Variants in NME9 observed in about 807,000 individuals in gnomAD.
NME9 encodes thioredoxin domain-containing protein 6.
A neutral mutation model predicts 44.4 loss-of-function variants in NME9; 48 were observed. The ratio of observed to expected loss-of-function variants is 1.08; its 90% CI spans 0.86 to 1.37. The LOEUF (loss-of-function observed/expected upper bound fraction) is 1.37, where lower values mean the gene tolerates loss of function less well. Among genes scored for constraint, NME9 ranks in the 40% most tolerant of loss-of-function variants. The pLI, the probability that NME9 is intolerant of heterozygous loss-of-function variation, is 0.00. For synonymous variants in NME9, 139 were observed against 147.1 expected, an observed-to-expected ratio of 0.94 and a Z score of 0.40; for missense variants, 325 against 405.2, an observed-to-expected ratio of 0.80 and a Z score of 1.70.
intron 8 of NME9, among the ~76,000 whole-genome samples, chr3:138,269,614 T>C (rs1321374590): frequency 2.0e-5 from 3 of 152,162 alleles, no homozygotes; most frequent in Non-Finnish European, 4.4e-5. Context: ...ACCAACCATA[T>C]TACTTCATAG....
Position 138,306,474 on chromosome 3 carries a change from G to A in NME9, c.467C>T (p.Ser156Leu). 1.2e-6 allele frequency: 2 copies of A among 1,604,038 alleles called. No individual in the cohort carries two copies. The highest frequency in any genetic ancestry group is 1.7e-6 in the Non-Finnish European group (2 of 1,175,654). Residue 156 changes from serine (S) to leucine (L), a missense_variant, in exon 7 of 11, where the codon TCA becomes TTA. Ser to Leu is a moderately radical substitution (Grantham distance 145, BLOSUM62 -2). Coordinates refer to ENST00000333911, the MANE Select transcript of NME9 (RefSeq NM_001349018.2). ...NNGEDEDMVS[S>L]ERTCTLAIIK... ...GATGGCCAAGGTACAGGTCCTCTCT[G>A]ATGAAACTAAGCCAAAAAATGGTGC...
exon 9 of NME9, chr3:138,262,406 T>C: frequency 2.9e-6 from 3 of 1,040,406 alleles, no homozygotes; most frequent in Non-Finnish European, 2.8e-6. Flanking sequence ...TGTGGTTCCC[T>C]GTTCTTAATA....
downstream of NME9, among the ~76,000 whole-genome samples, chr3:138,299,617 T>C (rs986343134): frequency 1.3e-5 from 2 of 152,090 alleles, no homozygotes; most frequent in African/African-American, 2.4e-5. Flanking sequence ...TGCCCTGCAA[T>C]GCTGAACCCA....
chr3:138,261,772 T>C (rs1039257400), exon 9 of NME9: 1 of 152,194 alleles, frequency 6.6e-6, no homozygotes, highest in Admixed American at 6.5e-5. Context: ...TCAAGGTAGA[T>C]AGGCTTTGAG....
intron 8 of NME9, among the ~76,000 whole-genome samples, chr3:138,269,820 C>CTTT (rs77095833): frequency 3.3e-5 from 4 of 121,666 alleles, no homozygotes; most frequent in African/African-American, 1.2e-4. Context: ...TGTTTTCTTT[C>CTTT]TTTTTTTTTT....
intron 5 of NME9, 113 bp from the exon 6 acceptor site, chr3:138,314,520 A>C: frequency 1.5e-6 from 1 of 669,466 alleles, no homozygotes; most frequent in Admixed American, 3.1e-5. Context: ...CAGAGAAAAA[A>C]ATGTCAAAAT....
At chr3:138,294,205 A>G (rs1222221960) in intron 8 of NME9, among the ~76,000 whole-genome samples, 1 of 152,216 alleles carries the variant, frequency 6.6e-6, no homozygotes, top group South Asian at 2.1e-4. Context: ...TGAAGAATAT[A>G]TCTCTCAGGT....
intron 3 of NME9, among the ~76,000 whole-genome samples, chr3:138,318,992 G>A (rs1486817337): frequency 6.6e-6 from 1 of 152,118 alleles, no homozygotes; most frequent in Admixed American, 6.5e-5. Flanking sequence ...GAGCCTGGGA[G>A]TTCTAGACCA....
chr3:138,296,901 C>T (rs2051538167), downstream of NME9: 1 of 152,184 alleles, frequency 6.6e-6, no homozygotes. Flanking sequence ...GATTTAGAAC[C>T]AGTCATGGAA....
intron 8 of NME9, among the ~76,000 whole-genome samples, chr3:138,278,483 G>T (rs1336314956): frequency 6.6e-6 from 1 of 151,538 alleles, no homozygotes; most frequent in African/African-American, 2.4e-5. Context: ...CAGCCTGGGT[G>T]ACACAGCAAG....
chr3:138,277,120 C>A (rs1178037104), intron 8 of NME9, among the ~76,000 whole-genome samples: 1 of 152,092 alleles, frequency 6.6e-6, no homozygotes, highest in East Asian at 1.9e-4. Flanking sequence ...CAGAAATAGA[C>A]CCACACATAT....
chr3:138,314,543 A>AT, intron 5 of NME9, 136 bp from the exon 6 acceptor site: 2 of 591,022 alleles, frequency 3.4e-6, no homozygotes, highest in Non-Finnish European at 5.9e-6. Flanking sequence ...TCAGTCTTGG[A>AT]AACTTTACAG....
At position 138,279,083 on chromosome 3, in the gene NME9, GT is replaced by G. The variant is rs1009759485; in HGVS notation, c.746-16498del. ...TAATGAGATGAGGATGAACATATTT[GT>G]TTTGTTCCCAATATTAGAGAAAAGC... On this transcript the variant is annotated intron_variant, in intron 8 of 8. Transcript: ENST00000317876. Among the ~76,000 whole-genome samples, 24 of 152,140 alleles carry G rather than the reference GT, an allele frequency of 1.6e-4. 2 individuals are homozygous for G.
intron 8 of NME9, chr3:138,267,247 T>A: frequency 6.5e-7 from 1 of 1,531,232 alleles, no homozygotes; most frequent in Non-Finnish European, 8.9e-7. Context: ...AAGAGGTTAG[T>A]ATTGATTTTC....
At chr3:138,299,634 C>G (rs1020236237), downstream of NME9, among the ~76,000 whole-genome samples, 1 of 152,124 alleles carries the variant, frequency 6.6e-6, no homozygotes, top group Non-Finnish European at 1.5e-5. Context: ...CCCACAGCAT[C>G]CCTGAGTCAC....
At chr3:138,262,683 T>TA (rs111720907) in intron 8 of NME9, 18,996 of 1,040,368 alleles carry the variant, frequency 0.018, 810 homozygotes, top group African/African-American at 0.18. Context: ...GACATAGGAT[T>TA]AAAAAAAAAA....
At chr3:138,303,385 G>T in intron 10 of NME9, 122 bp downstream of exon 10, 1 of 678,552 alleles carries the variant, frequency 1.5e-6, no homozygotes, top group Non-Finnish European at 2.6e-6. Context: ...TTCAGAACAG[G>T]ACTGTATTAG....
intron 8 of NME9, chr3:138,273,172 A>G (rs976826495): frequency 8.6e-5 from 130 of 1,512,692 alleles, no homozygotes; most frequent in Non-Finnish European, 1.2e-4. Flanking sequence ...GCATTGCAAG[A>G]CATTGCTCTC....
At chr3:138,316,156 TTC>T (rs1269034129) in intron 4 of NME9, among the ~76,000 whole-genome samples, 2 of 152,052 alleles carry the variant, frequency 1.3e-5, no homozygotes, top group Non-Finnish European at 2.9e-5. Context: ...TTTAAATGAT[TTC>T]TCTTTTTCTG....
Sources: allele counts gnomAD v4.1 joint callset (sites outside exome capture counted in the v4.1 genomes callset), GRCh38; gene constraint gnomAD v4.1.1; transcripts MANE v1.5; gene names NCBI Gene and HGNC (gene_info 2026-07-23, HGNC 2026-07-21).